PRKG1: variants seen among roughly 807,000 people sequenced by gnomAD.
PRKG1 encodes cGMP-dependent protein kinase 1.
Under a neutral mutation model 88.1 loss-of-function variants are expected in PRKG1, and 35 were observed. That is an observed-to-expected ratio of 0.40 (90% confidence interval 0.30 to 0.53). PRKG1 has a LOEUF of 0.53. Ranked by LOEUF, PRKG1 falls within the 20% of genes least tolerant of loss-of-function variation. The pLI, the probability that PRKG1 is intolerant of heterozygous loss-of-function variation, is 0.59. For synonymous variants in PRKG1, 303 were observed against 292.5 expected, an observed-to-expected ratio of 1.04 and a Z score of -0.37; for missense variants, 540 against 839.8, an observed-to-expected ratio of 0.64 and a Z score of 4.41.
chr10:51,276,333 A>G (rs577667764), intron 2 of PRKG1, among the ~76,000 whole-genome samples: 1 of 152,288 alleles, frequency 6.6e-6, no homozygotes, highest in East Asian at 1.9e-4. Context: ...CATGGTGTAT[A>G]TGTGCCGCAT....
chr10:51,602,910 TC>T lies in PRKG1; in HGVS notation c.592+135080del, dbSNP rs565538112. Among the ~76,000 whole-genome samples, 19 of 151,702 alleles carry T rather than the reference TC, an allele frequency of 1.3e-4. No individual in the cohort carries two copies. In the East Asian group the frequency reaches 3.3e-3, roughly 26 times the overall value. ...TTAATGTGAGTCTTCTTGTACCCCC[TC>T]CCCCCAAAAAATTTTATGGGCTGCC... is the stretch of plus-strand genomic sequence containing the variant. On this transcript the variant is annotated intron_variant, in intron 3 of 17. Transcript: ENST00000373980.
At chr10:52,248,221 T>C (rs1200578884) in intron 9 of PRKG1, among the ~76,000 whole-genome samples, 3 of 152,196 alleles carry the variant, frequency 2.0e-5, no homozygotes, top group Non-Finnish European at 4.4e-5. Flanking sequence ...ATTATGAACA[T>C]GTTACAGTGC....
intron 4 of PRKG1, among the ~76,000 whole-genome samples, chr10:51,886,515 G>T (rs565276432): frequency 6.6e-6 from 1 of 152,194 alleles, no homozygotes; most frequent in African/African-American, 2.4e-5. Context: ...ACCTGCTAAT[G>T]TTGGATAAAC....
chr10:51,565,888 C>T (rs753331949), intron 3 of PRKG1, among the ~76,000 whole-genome samples: 6 of 151,994 alleles, frequency 3.9e-5, no homozygotes, highest in East Asian at 1.9e-4. Context: ...TTGGGAAATA[C>T]GCAATAATGA....
intron 2 of PRKG1, among the ~76,000 whole-genome samples, chr10:51,199,693 G>T (rs986270407): frequency 1.3e-5 from 2 of 152,094 alleles, no homozygotes; most frequent in Non-Finnish European, 2.9e-5. Flanking sequence ...GACTTTTCTG[G>T]GCCTGGCTTT....
At chr10:51,364,912 C>A (rs1441066598) in intron 2 of PRKG1, among the ~76,000 whole-genome samples, 1 of 151,842 alleles carries the variant, frequency 6.6e-6, no homozygotes, top group South Asian at 2.1e-4. Flanking sequence ...TCAAATATAA[C>A]CACGTAAACT....
At chr10:52,142,951 C>T (rs12268003) in intron 8 of PRKG1, among the ~76,000 whole-genome samples, 35,785 of 151,984 alleles carry the variant, frequency 0.24, 4,454 homozygotes, top group African/African-American at 0.32. Context: ...ATAATAAGCA[C>T]CTACTATCTA....
intron 3 of PRKG1, among the ~76,000 whole-genome samples, chr10:51,616,229 C>T (rs925449878): frequency 6.6e-6 from 1 of 152,212 alleles, no homozygotes; most frequent in African/African-American, 2.4e-5. Context: ...CATCCTTGAG[C>T]ACCAGGGTGG....
intron 5 of PRKG1, among the ~76,000 whole-genome samples, chr10:51,942,009 T>A (rs999101959): frequency 2.6e-5 from 4 of 152,022 alleles, no homozygotes; most frequent in Admixed American, 2.6e-4. Flanking sequence ...TAGTTCTGGA[T>A]CCCTGAGGAA....
intron 1 of PRKG1, among the ~76,000 whole-genome samples, chr10:51,125,907 T>C (rs1396937318): frequency 1.5e-5 from 2 of 135,314 alleles, no homozygotes; most frequent in Non-Finnish European, 3.1e-5. Flanking sequence ...ATAAAAAGTG[T>C]GTAATTTATA....
At chr10:52,123,258 A>G (rs1847861341) in intron 7 of PRKG1, among the ~76,000 whole-genome samples, 1 of 152,200 alleles carries the variant, frequency 6.6e-6, no homozygotes, top group Admixed American at 6.5e-5. Context: ...TCCCGTGGAT[A>G]TAGATCGAAG....
intron 4 of PRKG1, among the ~76,000 whole-genome samples, chr10:51,893,855 CT>C (rs916565560): frequency 6.6e-5 from 10 of 152,004 alleles, no homozygotes; most frequent in East Asian, 1.9e-4. Flanking sequence ...GATTCAAAGC[CT>C]TTTTTTTCCC....
intron 1 of PRKG1, among the ~76,000 whole-genome samples, chr10:51,132,973 A>T (rs913193881): frequency 6.6e-6 from 1 of 152,188 alleles, no homozygotes; most frequent in African/African-American, 2.4e-5. Context: ...ACTGGCTGAG[A>T]TCTACTAAAT....
At chr10:51,030,523 A>G (rs1343451492) in intron 1 of PRKG1, among the ~76,000 whole-genome samples, 2 of 152,168 alleles carry the variant, frequency 1.3e-5, no homozygotes, top group Non-Finnish European at 2.9e-5. Context: ...AGAAAGAAAC[A>G]TATTTGCAAA....
intron 2 of PRKG1, among the ~76,000 whole-genome samples, chr10:51,203,461 A>T (rs908409977): frequency 1.6e-4 from 24 of 152,096 alleles, no homozygotes; most frequent in African/African-American, 5.8e-4. Context: ...ACAGTTTGAG[A>T]CCCATTCAGA....
At chr10:52,162,213 A>G (rs1485801462) in intron 9 of PRKG1, among the ~76,000 whole-genome samples, 2 of 152,120 alleles carry the variant, frequency 1.3e-5, no homozygotes, top group African/African-American at 2.4e-5. Context: ...TTATTTTAAA[A>G]TCTAATATAA....
chr10:51,235,364 C>T (rs1302566678), intron 2 of PRKG1, among the ~76,000 whole-genome samples: 5 of 152,060 alleles, frequency 3.3e-5, no homozygotes, highest in Non-Finnish European at 7.4e-5. Flanking sequence ...GTTTAAGTCA[C>T]TGTCAGGCAA....
At chr10:52,245,600 G>A (rs2132388558) in intron 9 of PRKG1, among the ~76,000 whole-genome samples, 1 of 152,112 alleles carries the variant, frequency 6.6e-6, no homozygotes, top group South Asian at 2.1e-4. Flanking sequence ...CAGTTCATGT[G>A]TGTTTACTAA....
intron 1 of PRKG1, among the ~76,000 whole-genome samples, chr10:51,127,763 G>C (rs1039777193): frequency 4.6e-5 from 7 of 152,178 alleles, no homozygotes; most frequent in African/African-American, 1.7e-4. Flanking sequence ...ATACACCATA[G>C]AATGCTATGC....
Sources: gnomAD v4.1 joint callset for allele counts (sites outside exome capture counted in the v4.1 genomes callset) on GRCh38, gnomAD v4.1.1 for gene constraint, MANE v1.5 for transcripts, NCBI Gene and HGNC (gene_info 2026-07-23, HGNC 2026-07-21) for gene names.